The following TACR1 variants were observed in gnomAD, a reference collection of about 807,000 sequenced individuals.
TACR1 encodes substance-P receptor.
In TACR1, 25 loss-of-function variants were observed where a neutral mutation model predicts 35.8. That is an observed-to-expected ratio of 0.70 (90% CI 0.51 to 0.98). The LOEUF (loss-of-function observed/expected upper bound fraction) is 0.98, where lower values mean the gene tolerates loss of function less well. Ranked by LOEUF, TACR1 falls within the 50% of genes least tolerant of loss-of-function variation. TACR1 has a pLI of 0.00. For missense variants in TACR1, 478 were observed against 522.9 expected (o/e 0.91, Z 0.84); for synonymous variants, 195 against 206.7 (o/e 0.94, Z 0.48).
chr2:75,064,818 A>G (rs747604303), intron 2 of TACR1, among the ~76,000 whole-genome samples: 2 of 152,212 alleles, frequency 1.3e-5, no homozygotes, highest in Non-Finnish European at 2.9e-5. Context: ...TGAGGAAATA[A>G]AGGAGAGTGA....
At chr2:75,054,503 G>A (rs1041272436) in intron 2 of TACR1, among the ~76,000 whole-genome samples, 2 of 152,134 alleles carry the variant, frequency 1.3e-5, no homozygotes, top group South Asian at 4.1e-4. Flanking sequence ...ACTGACTCAC[G>A]TTTGACTGGG....
rs531697984 is a variant in TACR1, at chr2:75,116,095, A to G, written c.584+4479T>C. ...ATATAAGGCACTTTAAATTTTTATAAGACACCACATTTTTTTTCTTCTTCT... is the reference window on the plus strand; with the variant it reads ...ATATAAGGCACTTTAAATTTTTATAGGACACCACATTTTTTTTCTTCTTCT... On this transcript the variant is annotated intron_variant, in intron 2 of 4. Coordinates refer to ENST00000305249, the MANE Select transcript of TACR1 (RefSeq NM_001058.4). 3.6e-4 allele frequency among the ~76,000 whole-genome samples: 55 copies of G among 152,008 alleles called. No homozygotes were observed. In the South Asian group the frequency reaches 0.011, roughly 31 times the overall value.
At chr2:75,059,247 C>T (rs900545916) in intron 2 of TACR1, among the ~76,000 whole-genome samples, 1 of 152,194 alleles carries the variant, frequency 6.6e-6, no homozygotes, top group Non-Finnish European at 1.5e-5. Context: ...ACAGGCTGCT[C>T]ACTACTTCTA....
intron 1 of TACR1, chr2:75,187,610 C>T (rs1300567639): frequency 3.3e-5 from 5 of 152,136 alleles, no homozygotes; most frequent in Non-Finnish European, 2.9e-5. Flanking sequence ...GGTAGAAAGA[C>T]GTCCATATTG....
intron 1 of TACR1, among the ~76,000 whole-genome samples, chr2:75,170,584 G>A (rs1675253441): frequency 6.6e-6 from 1 of 152,170 alleles, no homozygotes; most frequent in Non-Finnish European, 1.5e-5. Context: ...ACAGGAAGAT[G>A]TGGGAAAGTT....
intron 2 of TACR1, among the ~76,000 whole-genome samples, chr2:75,109,974 A>G (rs1162987067): frequency 6.6e-6 from 1 of 152,200 alleles, no homozygotes; most frequent in Non-Finnish European, 1.5e-5. Flanking sequence ...TCCCTGAACT[A>G]GAGATCTGAC....
intron 1 of TACR1, among the ~76,000 whole-genome samples, chr2:75,182,582 G>C (rs978132233): frequency 6.6e-6 from 1 of 152,186 alleles, no homozygotes; most frequent in African/African-American, 2.4e-5. Flanking sequence ...GATTGTTATT[G>C]CCTAGTGATG....
chr2:75,049,499 C>A lies in TACR1; in HGVS notation c.1157G>T (p.Cys386Phe). 1 of 1,614,158 alleles carries A rather than the reference C, an allele frequency of 6.2e-7. No homozygotes were observed. Among genetic ancestry groups the A allele is most frequent in the Non-Finnish European group, 8.5e-7 (1 of 1,179,984 alleles). ...GGTCTTGGAGTCACTTCGTGAAGAG[C>A]AGTTGGAGGTCAGGTCCAGGGACGA... ...TPSSLDLTSN[C>F]SSRSDSKTMT... Residue 386 changes from cysteine (C) to phenylalanine (F), a missense_variant, in exon 5 of 5, where the codon TGC becomes TTC. By Grantham distance (205) the Cys-to-Phe change is radical. Coordinates refer to ENST00000305249, the MANE Select transcript of TACR1 (RefSeq NM_001058.4).
rs1007761974 is a variant in TACR1 at position 75,051,440 on chromosome 2, T to A, written c.743A>T (p.Lys248Ile). Reference protein sequence around the residue: ...EQVSAKRKVVKMMIVVVCTFA... With the variant: ...EQVSAKRKVVIMMIVVVCTFA... ...GGTGCACACCACGACAATCATCATT[T>A]TGACCACCTGGCAAGAGGGTGAGAC... The change falls in exon 4 of 5, where the codon AAA (lysine) becomes ATA (isoleucine). Residue 248 changes from lysine (K) to isoleucine (I), a missense_variant. Coordinates refer to ENST00000305249, the MANE Select transcript of TACR1 (RefSeq NM_001058.4). 6.2e-7 allele frequency: 1 copy of A among 1,613,938 alleles called. No individual in the cohort carries two copies. Among genetic ancestry groups the A allele is most frequent in the African/African-American group, 1.3e-5 (1 of 75,052 alleles).
Position 75,179,891 on chromosome 2 carries a change from AT to A in TACR1, c.389+18654del, listed in dbSNP as rs1675521071. ...TAAACTGCATGATAAAGCCATTGAG[AT>A]TTGGGGGTTTGCCTGTTACTCCAGC... On this transcript the variant is annotated intron_variant, in intron 1 of 4. Transcript: ENST00000305249. 2.6e-5 allele frequency among the ~76,000 whole-genome samples: 4 copies of A among 152,250 alleles called. No homozygotes were observed. The South Asian group carries it at 8.3e-4, about 32-fold the overall frequency.
intron 2 of TACR1, among the ~76,000 whole-genome samples, chr2:75,096,206 G>A (rs1673422608): frequency 6.6e-6 from 1 of 152,192 alleles, no homozygotes; most frequent in Non-Finnish European, 1.5e-5. Context: ...CTGGATACCA[G>A]CCTTTGGCCT....
intron 1 of TACR1, among the ~76,000 whole-genome samples, chr2:75,190,108 A>G (rs12466510): frequency 0.21 from 32,672 of 152,182 alleles, 3,710 homozygotes; most frequent in Admixed American, 0.26. Flanking sequence ...TTTATAAAAT[A>G]TGTTCAAAGG....
At chr2:75,094,081 T>C (rs1673364609) in intron 2 of TACR1, among the ~76,000 whole-genome samples, 1 of 152,212 alleles carries the variant, frequency 6.6e-6, no homozygotes. Flanking sequence ...CTCTGTCCCA[T>C]GTGCAGATAG....
chr2:75,098,022 TG>T (rs1673459554), intron 2 of TACR1, among the ~76,000 whole-genome samples: 1 of 152,234 alleles, frequency 6.6e-6, no homozygotes, highest in African/African-American at 2.4e-5. Flanking sequence ...AGTTGGCTTT[TG>T]CCAGCTGGCT....
chr2:75,139,925 T>C lies in TACR1; in HGVS notation c.390-19157A>G, dbSNP rs142500705. ...CTCTTTAGCAAAATAGAAATAAAAA[T>C]GTAGCTCATTAATTCTAGGTGCACA... is the stretch of plus-strand genomic sequence containing the variant. On this transcript the variant is annotated intron_variant, in intron 1 of 4. Transcript: ENST00000305249. Among the ~76,000 whole-genome samples, 144 of 152,282 alleles carry C rather than the reference T, an allele frequency of 9.5e-4. 1 individual carries two copies. Among genetic ancestry groups the C allele is most frequent in the African/African-American group, 3.4e-3 (141 of 41,558 alleles).
chr2:75,110,398 A>T (rs73935535), intron 2 of TACR1, among the ~76,000 whole-genome samples: 3,029 of 152,126 alleles, frequency 0.02, 95 homozygotes, highest in African/African-American at 0.068. Flanking sequence ...TTCAGTATAG[A>T]TAAATTATTT....
intron 1 of TACR1, among the ~76,000 whole-genome samples, chr2:75,134,310 A>G (rs748751496): frequency 2.6e-5 from 4 of 152,150 alleles, no homozygotes; most frequent in Non-Finnish European, 4.4e-5. Context: ...TAACACATCC[A>G]TACTTTTTCC....
intron 2 of TACR1, among the ~76,000 whole-genome samples, chr2:75,084,042 A>G (rs1320274098): frequency 1.3e-5 from 2 of 152,326 alleles, no homozygotes; most frequent in East Asian, 3.8e-4. Context: ...TTGCCCATTC[A>G]GTATGCTATT....
intron 2 of TACR1, among the ~76,000 whole-genome samples, chr2:75,115,084 CGTGT>C (rs3079164): frequency 0.15 from 21,677 of 148,620 alleles, 1,752 homozygotes; most frequent in Admixed American, 0.24. Flanking sequence ...TGTTAACATA[CGTGT>C]GTGTGTGTGT....
Sources: allele counts gnomAD v4.1 joint callset (sites outside exome capture counted in the v4.1 genomes callset), GRCh38; gene constraint gnomAD v4.1.1; transcripts MANE v1.5; gene names NCBI Gene and HGNC (gene_info 2026-07-23, HGNC 2026-07-21).